RBFOX1: variants seen among roughly 807,000 people sequenced by gnomAD.
The protein encoded by RBFOX1 is RNA binding protein fox-1 homolog 1.
RBFOX1 carries 8 observed loss-of-function variants against 57.7 expected under a neutral mutation model. That is an observed-to-expected ratio of 0.14 (90% CI 0.08 to 0.25). The LOEUF is 0.25. RBFOX1 is among the 10% of genes least tolerant of loss of function. The pLI is 1.00. For synonymous variants in RBFOX1, 326 were observed against 222.4 expected, an observed-to-expected ratio of 1.47 and a Z score of -4.15; for missense variants, 611 against 548.5, an observed-to-expected ratio of 1.11 and a Z score of -1.14.
At chr16:7,472,888 C>G (rs1234825742) in intron 4 of RBFOX1, among the ~76,000 whole-genome samples, 2 of 152,252 alleles carry the variant, frequency 1.3e-5, no homozygotes, top group East Asian at 1.9e-4. Context: ...GTATGTATTG[C>G]TTTATTAAGA....
intron 4 of RBFOX1, among the ~76,000 whole-genome samples, chr16:7,403,565 C>T (rs1005160336): frequency 7.7e-6 from 1 of 129,592 alleles, no homozygotes; most frequent in Non-Finnish European, 1.7e-5. Context: ...GAGAGAATCC[C>T]CCCCCCCCCA....
intron 4 of RBFOX1, among the ~76,000 whole-genome samples, chr16:7,079,203 G>A (rs533959086): frequency 8.2e-4 from 125 of 152,124 alleles, no homozygotes; most frequent in Non-Finnish European, 1.5e-3. Flanking sequence ...CCATCCAGGC[G>A]CGGGACTGCA....
intron 3 of RBFOX1, among the ~76,000 whole-genome samples, chr16:5,766,991 C>T (rs1194420979): frequency 6.6e-6 from 1 of 152,162 alleles, no homozygotes; most frequent in Non-Finnish European, 1.5e-5. Context: ...TCAGGGTTTT[C>T]TGTATCTGTT....
At chr16:6,487,881 C>A (rs2095541529) in intron 2 of RBFOX1, among the ~76,000 whole-genome samples, 1 of 151,126 alleles carries the variant, frequency 6.6e-6, no homozygotes. Context: ...GGTCCTTTTT[C>A]CTTACACACT....
Position 5,510,369 on chromosome 16 carries a change from C to G in RBFOX1, c.258+43115C>G, listed in dbSNP as rs373461657. Among the ~76,000 whole-genome samples, 319 of 152,304 alleles carry G rather than the reference C, an allele frequency of 2.1e-3. 2 individuals carry two copies. The highest frequency in any genetic ancestry group is 7.1e-3 in the African/African-American group (294 of 41,578). On this transcript the variant is annotated intron_variant, in intron 2 of 2. Transcript: ENST00000585867. ...GGGGGTCTGCCTGGTGTCTCTGCTT[C>G]TTGTGTCTCTCATCCATTTGGAACT...
chr16:5,888,565 T>C (rs1167828761), intron 4 of RBFOX1, among the ~76,000 whole-genome samples: 2 of 151,536 alleles, frequency 1.3e-5, no homozygotes, highest in South Asian at 4.2e-4. Flanking sequence ...GGAGACTGAG[T>C]TGGGCAGATA....
intron 3 of RBFOX1, among the ~76,000 whole-genome samples, chr16:5,643,946 T>G (rs1435856408): frequency 1.3e-5 from 2 of 152,260 alleles, no homozygotes; most frequent in Non-Finnish European, 2.9e-5. Flanking sequence ...ATGGGCCTAT[T>G]TAATTTCTTA....
At chr16:5,746,247 GT>G (rs777819240) in intron 3 of RBFOX1, among the ~76,000 whole-genome samples, 2 of 152,202 alleles carry the variant, frequency 1.3e-5, no homozygotes, top group African/African-American at 2.4e-5. Context: ...TCAGATGGTT[GT>G]AGATGTGTGG....
rs574569569 is a variant in RBFOX1 at position 6,359,119 on chromosome 16, G to C, written c.-64+42062G>C. Among the ~76,000 whole-genome samples the C allele has an allele frequency of 3.3e-5, 5 of 152,132 alleles. No homozygotes were observed. In the East Asian group the frequency reaches 9.7e-4, roughly 29 times the overall value. ...GTTTGTTTGTTTGTTTTGAGACGGA[G>C]TCTAGCTCTGTCACCCAGGCTGGAG... On this transcript the variant is annotated intron_variant, in intron 2 of 15. Transcript: ENST00000550418.
chr16:5,259,751 C>G (rs1320405013), intron 1 of RBFOX1, among the ~76,000 whole-genome samples: 1 of 152,150 alleles, frequency 6.6e-6, no homozygotes, highest in South Asian at 2.1e-4. Flanking sequence ...TGAAATGGAG[C>G]CGGGTTATGG....
chr16:7,372,479 C>T (rs9927168), intron 4 of RBFOX1, among the ~76,000 whole-genome samples: 2 of 151,910 alleles, frequency 1.3e-5, no homozygotes, highest in Non-Finnish European at 2.9e-5. Context: ...CTCATTGAAG[C>T]CTGTGGCCAT....
In RBFOX1 at chr16:6,223,750, G is replaced by T. The variant is rs566094246; in HGVS notation, c.-126-93245G>T. Among the ~76,000 whole-genome samples, 443 of 152,214 alleles carry T rather than the reference G, an allele frequency of 2.9e-3. 1 individual carries two copies. Among genetic ancestry groups the T allele is most frequent in the African/African-American group, 9.7e-3 (404 of 41,528 alleles). On this transcript the variant is annotated intron_variant, in intron 1 of 15. Coordinates refer to ENST00000550418, the MANE Select transcript of RBFOX1 (RefSeq NM_018723.4). ...TTTGGCTTTTGTTGCCATTGCTTTT[G>T]GTGTTTTAGACATGAAGTCCTTGCC...
intron 2 of RBFOX1, among the ~76,000 whole-genome samples, chr16:6,613,289 T>A (rs771047136): frequency 1.6e-4 from 25 of 152,026 alleles, no homozygotes; most frequent in Non-Finnish European, 3.1e-4. Context: ...TGGTTTGCAA[T>A]AAGGGTAAAC....
intron 2 of RBFOX1, among the ~76,000 whole-genome samples, chr16:6,628,168 TC>T (rs2154054712): frequency 6.6e-6 from 1 of 152,318 alleles, no homozygotes; most frequent in Non-Finnish European, 1.5e-5. Context: ...TTCTGCCTCT[TC>T]CTGCTTACGG....
chr16:6,488,556 T>A (rs1487711624), intron 2 of RBFOX1, among the ~76,000 whole-genome samples: 5 of 152,198 alleles, frequency 3.3e-5, no homozygotes, highest in Non-Finnish European at 7.3e-5. Flanking sequence ...TTTTCAAGAC[T>A]TTTTATAATT....
chr16:6,847,969 A>G (rs552570683), intron 3 of RBFOX1, among the ~76,000 whole-genome samples: 5 of 152,060 alleles, frequency 3.3e-5, no homozygotes, highest in African/African-American at 1.2e-4. Context: ...AGCTAAGACT[A>G]TAGGCACCTG....
At chr16:7,555,684 G>A (rs1026527123) in intron 5 of RBFOX1, among the ~76,000 whole-genome samples, 29 of 152,078 alleles carry the variant, frequency 1.9e-4, no homozygotes, top group Admixed American at 7.2e-4. Flanking sequence ...CTTTCTCACC[G>A]CAGGACCTTT....
At chr16:7,311,067 T>C (rs1603618238) in intron 4 of RBFOX1, among the ~76,000 whole-genome samples, 1 of 152,206 alleles carries the variant, frequency 6.6e-6, no homozygotes, top group South Asian at 2.1e-4. Context: ...AGTTAAGTTC[T>C]TTGTGATGCT....
intron 10 of RBFOX1, among the ~76,000 whole-genome samples, chr16:7,611,646 T>A (rs894825634): frequency 6.6e-6 from 1 of 152,134 alleles, no homozygotes; most frequent in Non-Finnish European, 1.5e-5. Flanking sequence ...AGTATGTTTT[T>A]ATTGCAAACT....
Sources: gnomAD v4.1 joint callset for allele counts (sites outside exome capture counted in the v4.1 genomes callset) on GRCh38, gnomAD v4.1.1 for gene constraint, MANE v1.5 for transcripts, NCBI Gene and HGNC (gene_info 2026-07-23, HGNC 2026-07-21) for gene names.